The following SMC6 variants were observed in gnomAD, a reference collection of about 807,000 sequenced individuals.
SMC6 encodes structural maintenance of chromosomes 6.
In SMC6, 79 loss-of-function variants were observed where a neutral mutation model predicts 142.2. The observed-to-expected ratio is 0.56, with a 90% CI of 0.46 to 0.67. The LOEUF is 0.67. SMC6 is among the 30% of genes least tolerant of loss of function. The pLI is 0.00. For missense variants in SMC6, 1,072 were observed against 1,284.0 expected (o/e 0.83, Z 2.52); for synonymous variants, 411 against 412.4 (o/e 1.00, Z 0.04).
chr2:17,730,346 G>C (rs1178293106), intron 7 of SMC6, among the ~76,000 whole-genome samples: 1 of 143,834 alleles, frequency 7.0e-6, no homozygotes, highest in Non-Finnish European at 1.5e-5. Flanking sequence ...TATCTTTCTA[G>C]AATAAATTTT....
At chr2:17,744,256 T>C (rs76881919) in intron 3 of SMC6, among the ~76,000 whole-genome samples, 21,061 of 152,210 alleles carry the variant, frequency 0.14, 1,787 homozygotes, top group African/African-American at 0.24. Flanking sequence ...GTTTGAACTA[T>C]TGCCATTTTA....
chr2:17,742,890 A>ATATT lies in SMC6; in HGVS notation c.121-1165_121-1162dup, dbSNP rs1670549802. ...GACATTGACATAGTCAAAATACAGA[A>ATATT]TATTTCCATCATCACCAGGATCCCA... On this transcript the variant is annotated intron_variant, in intron 3 of 27. Transcript: ENST00000448223. 2.0e-5 allele frequency among the ~76,000 whole-genome samples: 3 copies of ATATT among 152,350 alleles called. No individual in the cohort carries two copies. In the South Asian group the frequency reaches 6.2e-4, roughly 32 times the overall value.
rs187973174 is a variant in SMC6, at chr2:17,709,938, C to G, written c.1731-1185G>C. Among the ~76,000 whole-genome samples, 409 of 152,244 alleles carry G rather than the reference C, an allele frequency of 2.7e-3. 4 individuals are homozygous for G. Among genetic ancestry groups the G allele is most frequent in the African/African-American group, 9.5e-3 (396 of 41,540 alleles). On this transcript the variant is annotated intron_variant, in intron 16 of 27. Coordinates refer to ENST00000448223, the MANE Select transcript of SMC6 (RefSeq NM_001142286.2). ...AGACAGATTGCCACAGTAGGCAGAT[C>G]AGGGAGGGAAGTGTTTCCAGAGACA...
At chr2:17,740,160 CATT>C (rs1670371826) in intron 4 of SMC6, among the ~76,000 whole-genome samples, 1 of 152,096 alleles carries the variant, frequency 6.6e-6, no homozygotes, top group African/African-American at 2.4e-5. Flanking sequence ...TAATAAAAAT[CATT>C]GTTTCAAAAG....
At chr2:17,695,753 CAAATGAGG>C (rs1461104999) in intron 22 of SMC6, among the ~76,000 whole-genome samples, 2 of 152,118 alleles carry the variant, frequency 1.3e-5, no homozygotes, top group African/African-American at 4.8e-5. Flanking sequence ...TATTCTTAAA[CAAATGAGG>C]AAAACAAGTA....
chr2:17,731,982 A>T, intron 5 of SMC6, 105 bp from the exon 6 acceptor site: 1 of 1,200,902 alleles, frequency 8.3e-7, no homozygotes, highest in Non-Finnish European at 1.2e-6. Context: ...AATTTGGCCA[A>T]TTCATTTGCA....
intron 2 of SMC6, among the ~76,000 whole-genome samples, chr2:17,748,721 T>C (rs1670872105): frequency 6.6e-6 from 1 of 152,230 alleles, no homozygotes; most frequent in South Asian, 2.1e-4. Context: ...TTATTTATTA[T>C]AGAAGAGCAA....
chr2:17,693,957 G>A lies in SMC6; in HGVS notation c.2678+1195C>T, dbSNP rs140143853. The stretch of plus-strand genomic sequence containing the variant: ...AGAGGCTGCAGTGAGCCGAGATCAC[G>A]CCATTGCACTCCAGCCTGGGCAAGA... On this transcript the variant is annotated intron_variant, in intron 23 of 27. Coordinates refer to ENST00000448223, the MANE Select transcript of SMC6 (RefSeq NM_001142286.2). 8.2e-3 allele frequency among the ~76,000 whole-genome samples: 1,064 copies of A among 130,268 alleles called. 8 individuals carry two copies. The highest frequency in any genetic ancestry group is 0.012 in the Non-Finnish European group (762 of 65,360). The allele number at this position is 130,268 out of a possible 152,430, so 85.5% of individuals were successfully genotyped here.
intron 6 of SMC6, 79 bp downstream of exon 6, chr2:17,731,658 TTCAA>T: frequency 3.0e-6 from 4 of 1,338,798 alleles, no homozygotes; most frequent in Non-Finnish European, 4.2e-6. Context: ...AGGAAGATAG[TTCAA>T]TCAATACCAG....
At chr2:17,741,506 T>C (rs1287732744) in intron 4 of SMC6, 106 bp downstream of exon 4, 2 of 655,372 alleles carry the variant, frequency 3.1e-6, no homozygotes, top group South Asian at 2.3e-5. Flanking sequence ...TATACATCTA[T>C]AGAAAAAATA....
At chr2:17,697,318 A>C (rs1223910566) in intron 21 of SMC6, among the ~76,000 whole-genome samples, 3 of 152,068 alleles carry the variant, frequency 2.0e-5, no homozygotes, top group Non-Finnish European at 4.4e-5. Flanking sequence ...GATGGCACAT[A>C]AATTCCAAAA....
intron 5 of SMC6, among the ~76,000 whole-genome samples, chr2:17,733,514 T>C (rs1572347206): frequency 6.6e-6 from 1 of 152,368 alleles, no homozygotes; most frequent in South Asian, 2.1e-4. Context: ...ACGTAAGATA[T>C]CTACATTAAG....
intron 23 of SMC6, among the ~76,000 whole-genome samples, chr2:17,685,128 G>GAAAA (rs60207604): frequency 1.4e-5 from 2 of 143,628 alleles, no homozygotes; most frequent in Non-Finnish European, 1.5e-5. Context: ...CAAGCAAAAT[G>GAAAA]AAAAAAAAAG....
chr2:17,683,193 G>T (rs1170389384), intron 24 of SMC6, among the ~76,000 whole-genome samples: 1 of 152,004 alleles, frequency 6.6e-6, no homozygotes, highest in Non-Finnish European at 1.5e-5. Context: ...GTATGTATCA[G>T]GTATGATTAT....
chr2:17,691,880 T>C (rs1189234377), intron 23 of SMC6, among the ~76,000 whole-genome samples: 1 of 152,102 alleles, frequency 6.6e-6, no homozygotes, highest in Non-Finnish European at 1.5e-5. Flanking sequence ...GGATACAAAA[T>C]CAATATGCAA....
At position 17,745,954 on chromosome 2, in the gene SMC6, G is replaced by T. The variant is rs1171748177; in HGVS notation, c.-5-3C>A. The T allele has an allele frequency of 6.3e-7, 1 of 1,590,618 alleles. No individual in the cohort carries two copies. The highest frequency in any genetic ancestry group is 1.8e-5 in the Admixed American group (1 of 55,870). ...TTCCTTTCTTTTGGCCATCAGGTCT[G>T]AACAAATATTTATAGTAACAATGAG... On this transcript the variant is annotated splice_region_variant and splice_polypyrimidine_tract_variant and intron_variant, in intron 2 of 27. Coordinates refer to ENST00000448223, the MANE Select transcript of SMC6 (RefSeq NM_001142286.2).
At chr2:17,731,926 C>T (rs1427108051) in intron 5 of SMC6, 49 bp from the exon 6 acceptor site, 2 of 1,571,302 alleles carry the variant, frequency 1.3e-6, no homozygotes, top group Non-Finnish European at 1.7e-6. Context: ...AGTGTAATTA[C>T]AATACTAGGT....
chr2:17,751,431 C>A (rs1302431900), intron 2 of SMC6, among the ~76,000 whole-genome samples: 2 of 149,984 alleles, frequency 1.3e-5, no homozygotes, highest in Non-Finnish European at 3.0e-5. Context: ...CCACTGCACT[C>A]CAACCTCGGC....
intron 3 of SMC6, among the ~76,000 whole-genome samples, chr2:17,742,237 T>C (rs1670507730): frequency 6.6e-6 from 1 of 152,208 alleles, no homozygotes; most frequent in Non-Finnish European, 1.5e-5. Flanking sequence ...CTCTGAAAGA[T>C]GACGATCCAG....
Sources: gnomAD v4.1 joint callset for allele counts (sites outside exome capture counted in the v4.1 genomes callset) on GRCh38, gnomAD v4.1.1 for gene constraint, MANE v1.5 for transcripts, NCBI Gene and HGNC (gene_info 2026-07-23, HGNC 2026-07-21) for gene names.